Variants in SLIT3 observed in about 807,000 individuals in gnomAD.
SLIT3 encodes slit guidance ligand 3.
In SLIT3, 68 loss-of-function variants were observed where a neutral mutation model predicts 184.0. The observed-to-expected ratio is 0.37, with a 90% confidence interval of 0.30 to 0.45. The LOEUF is 0.45. Among genes scored for constraint, SLIT3 ranks in the 20% least tolerant of loss-of-function variants. SLIT3 has a pLI of 1.00. For synonymous variants in SLIT3, 831 were observed against 828.6 expected (o/e 1.00, Z -0.05); for missense variants, 1,707 against 2,026.0 (o/e 0.84, Z 3.02).
chr5:168,729,813 G>A (rs1763240942), intron 20 of SLIT3, among the ~76,000 whole-genome samples: 1 of 151,858 alleles, frequency 6.6e-6, no homozygotes. Context: ...AAGAAACAAG[G>A]AATTTATAAA....
At chr5:169,244,837 G>T in intron 2 of SLIT3, 61 bp from the exon 3 acceptor site, 1 of 1,421,446 alleles carries the variant, frequency 7.0e-7, no homozygotes. Flanking sequence ...CCTCATACTA[G>T]GCTTCATGCC....
intron 9 of SLIT3, among the ~76,000 whole-genome samples, chr5:168,798,078 A>G (rs1320239791): frequency 1.3e-5 from 2 of 152,206 alleles, no homozygotes; most frequent in African/African-American, 4.8e-5. Flanking sequence ...TAAGACATAT[A>G]AATGGAGTAC....
Position 168,926,067 on chromosome 5 carries a change from G to T in SLIT3, c.414-42731C>A, listed in dbSNP as rs561570201. 2.0e-5 allele frequency among the ~76,000 whole-genome samples: 3 copies of T among 152,282 alleles called. No homozygotes were observed. The South Asian group carries it at 6.2e-4, about 32-fold the overall frequency. ...CTTTTCTCTTGGGAGCGGTGCCTCG[G>T]AATTCAGGATAGCCAAAAAACTACA... On this transcript the variant is annotated intron_variant, in intron 4 of 35. Coordinates refer to ENST00000519560, the MANE Select transcript of SLIT3 (RefSeq NM_003062.4).
chr5:168,859,778 T>C (rs1377048037), intron 5 of SLIT3, among the ~76,000 whole-genome samples: 1 of 152,220 alleles, frequency 6.6e-6, no homozygotes, highest in Non-Finnish European at 1.5e-5. Context: ...GGTGTGCATG[T>C]AGGAGATGAC....
chr5:168,806,624 T>G, intron 8 of SLIT3, 37 bp from the exon 9 acceptor site: 1 of 1,610,880 alleles, frequency 6.2e-7, no homozygotes, highest in Non-Finnish European at 8.5e-7. Flanking sequence ...CTTATGTCAG[T>G]GTCAGGAGCT....
At chr5:168,767,294 C>T (rs1360344026) in intron 14 of SLIT3, among the ~76,000 whole-genome samples, 2 of 152,146 alleles carry the variant, frequency 1.3e-5, no homozygotes, top group Admixed American at 6.5e-5. Flanking sequence ...GCTAAAGTTC[C>T]CACCTTAGCT....
intron 4 of SLIT3, among the ~76,000 whole-genome samples, chr5:169,028,577 G>T (rs1756917874): frequency 6.6e-6 from 1 of 152,204 alleles, no homozygotes; most frequent in Non-Finnish European, 1.5e-5. Flanking sequence ...AATCATCATT[G>T]CTTGTTATTA....
chr5:168,864,134 C>T (rs1459881430), intron 5 of SLIT3, among the ~76,000 whole-genome samples: 1 of 152,070 alleles, frequency 6.6e-6, no homozygotes, highest in African/African-American at 2.4e-5. Flanking sequence ...CGCTTGAGCC[C>T]AGGAGGTCGA....
At chr5:168,722,815 G>T in intron 22 of SLIT3, 118 bp downstream of exon 22, 1 of 780,390 alleles carries the variant, frequency 1.3e-6, no homozygotes, top group South Asian at 1.5e-5. Flanking sequence ...TGCTAGGGCA[G>T]CCATAGGCCT....
intron 4 of SLIT3, among the ~76,000 whole-genome samples, chr5:169,155,788 G>A (rs1424836617): frequency 6.6e-6 from 1 of 152,198 alleles, no homozygotes; most frequent in Non-Finnish European, 1.5e-5. Context: ...GGACAGAAGT[G>A]GCCACAGATA....
At chr5:169,190,665 G>A (rs537637734) in intron 4 of SLIT3, among the ~76,000 whole-genome samples, 2 of 152,282 alleles carry the variant, frequency 1.3e-5, no homozygotes, top group South Asian at 4.1e-4. Context: ...AAAAAAAGTA[G>A]TATCAAGAAT....
chr5:168,672,552 T>G (rs1761286762), intron 33 of SLIT3, among the ~76,000 whole-genome samples: 4 of 152,162 alleles, frequency 2.6e-5, no homozygotes, highest in Admixed American at 2.6e-4. Context: ...CATGGCTCAC[T>G]GCAGCCCCAA....
chr5:168,893,237 AG>A (rs1760533579), intron 4 of SLIT3, among the ~76,000 whole-genome samples: 1 of 152,172 alleles, frequency 6.6e-6, no homozygotes, highest in Non-Finnish European at 1.5e-5. Context: ...CTGATTCAAA[AG>A]GATGGAGACT....
chr5:169,062,382 T>C (rs1246477168), intron 4 of SLIT3, among the ~76,000 whole-genome samples: 1 of 152,194 alleles, frequency 6.6e-6, no homozygotes, highest in Non-Finnish European at 1.5e-5. Flanking sequence ...CACCCAGGAA[T>C]AGACCTGGTA....
intron 5 of SLIT3, among the ~76,000 whole-genome samples, chr5:168,875,117 G>C (rs1415622702): frequency 6.7e-6 from 1 of 149,466 alleles, no homozygotes; most frequent in Non-Finnish European, 1.5e-5. Flanking sequence ...GGGAGAAAAG[G>C]AGGGAGGGAG....
At chr5:169,281,892 T>C (rs928953685) in intron 1 of SLIT3, among the ~76,000 whole-genome samples, 7 of 152,210 alleles carry the variant, frequency 4.6e-5, no homozygotes, top group African/African-American at 1.7e-4. Context: ...CAGGGGACAT[T>C]TGGCAATGTC....
chr5:169,253,882 C>T (rs934480094), intron 1 of SLIT3, among the ~76,000 whole-genome samples: 7 of 152,114 alleles, frequency 4.6e-5, no homozygotes, highest in Admixed American at 3.9e-4. Flanking sequence ...GGTACTCCCC[C>T]AGCCCACTGC....
intron 3 of SLIT3, among the ~76,000 whole-genome samples, chr5:169,217,126 A>G (rs1764461754): frequency 1.1e-5 from 1 of 87,526 alleles, no homozygotes; most frequent in African/African-American, 5.3e-5. Flanking sequence ...GACCTTGAGT[A>G]GGTTAAAAAA....
At chr5:169,137,081 C>T (rs1427044325) in intron 4 of SLIT3, among the ~76,000 whole-genome samples, 2 of 152,102 alleles carry the variant, frequency 1.3e-5, no homozygotes, top group Non-Finnish European at 2.9e-5. Context: ...TATGCATGAG[C>T]TTCTTAAATC....
Sources: gnomAD v4.1 joint callset for allele counts (sites outside exome capture counted in the v4.1 genomes callset) on GRCh38, gnomAD v4.1.1 for gene constraint, MANE v1.5 for transcripts, NCBI Gene and HGNC (gene_info 2026-07-23, HGNC 2026-07-21) for gene names.